The following RAD51AP1 variants were observed in gnomAD, a reference collection of about 807,000 sequenced individuals.
RAD51AP1 encodes the protein RAD51-associated protein 1.
A neutral mutation model predicts 34.3 loss-of-function variants in RAD51AP1; 14 were observed. That is an observed-to-expected ratio of 0.41 (90% CI 0.27 to 0.64). The LOEUF (loss-of-function observed/expected upper bound fraction) is 0.64. RAD51AP1 is among the 30% of genes least tolerant of loss of function. The pLI, the probability that RAD51AP1 is intolerant of heterozygous loss-of-function variation, is 0.33. For synonymous variants in RAD51AP1, 114 were observed against 129.8 expected (o/e 0.88, Z 0.83); for missense variants, 348 against 386.9 (o/e 0.90, Z 0.84).
At chr12:4,552,938 C>T in intron 6 of RAD51AP1, 45 bp from the exon 7 acceptor site, 1 of 1,483,986 alleles carries the variant, frequency 6.7e-7, no homozygotes, top group Non-Finnish European at 9.0e-7. Context: ...CAACAGAATC[C>T]TCACTTTTTA....
intron 4 of RAD51AP1, among the ~76,000 whole-genome samples, chr12:4,547,183 T>G (rs1004075059): frequency 6.6e-5 from 10 of 152,216 alleles, no homozygotes; most frequent in Admixed American, 6.5e-4. Context: ...TCCTCCTGCC[T>G]CAGCCTCCTG....
intron 7 of RAD51AP1, among the ~76,000 whole-genome samples, chr12:4,553,821 G>T (rs1177631053): frequency 1.3e-5 from 2 of 151,882 alleles, no homozygotes; most frequent in Middle Eastern, 3.2e-3. Flanking sequence ...AACTGAGTTT[G>T]TTTTATTTCT....
chr12:4,548,676 C>T lies in RAD51AP1; in HGVS notation c.407-11C>T. On this transcript the variant is annotated splice_polypyrimidine_tract_variant and intron_variant, in intron 5 of 8. Coordinates refer to ENST00000352618, the MANE Select transcript of RAD51AP1 (RefSeq NM_006479.5). ...GAAAGTTTTCCATTGATTTTTATGC[C>T]TCTCCTGAAGATTTGGATAAGATTA... The T allele has an allele frequency of 1.9e-6, 3 of 1,604,488 alleles. No individual in the cohort carries two copies. The South Asian group carries it at 3.3e-5, about 18-fold the overall frequency.
intron 8 of RAD51AP1, among the ~76,000 whole-genome samples, chr12:4,557,061 T>C (rs146311340): frequency 6.6e-6 from 1 of 152,346 alleles, no homozygotes; most frequent in East Asian, 1.9e-4. Context: ...TTGACATTAC[T>C]AAAACCCTAA....
chr12:4,543,080 A>T (rs983103090), intron 2 of RAD51AP1, among the ~76,000 whole-genome samples: 1 of 151,552 alleles, frequency 6.6e-6, no homozygotes, highest in African/African-American at 2.4e-5. Flanking sequence ...CTTTTTTTTG[A>T]GACGGAGTCT....
Position 4,553,119 on chromosome 12 carries a change from G to T in RAD51AP1, c.693G>T (p.Lys231Asn). The change falls in exon 7 of 9, where the codon AAG (lysine) becomes AAT (asparagine). Residue 231 changes from lysine (K) to asparagine (N), a missense_variant. Physicochemically the swap from Lys to Asn is moderately conservative, Grantham distance 94. Coordinates refer to ENST00000352618, the MANE Select transcript of RAD51AP1 (RefSeq NM_006479.5). ...KVKSPVEKKE[K>N]KSKSKCNALV... Reference sequence around the variant, plus strand: ...AATCCCCAGTAGAAAAGAAAGAGAAGAAATCTAAATCCAAATGTAATGCTT... The same window carrying T: ...AATCCCCAGTAGAAAAGAAAGAGAATAAATCTAAATCCAAATGTAATGCTT... The T allele has an allele frequency of 6.3e-7, 1 of 1,586,540 alleles. No homozygotes were observed. Among genetic ancestry groups the T allele is most frequent in the South Asian group, 1.2e-5 (1 of 86,608 alleles).
At chr12:4,555,891 A>AT (rs1944578591) in intron 7 of RAD51AP1, among the ~76,000 whole-genome samples, 2 of 152,194 alleles carry the variant, frequency 1.3e-5, no homozygotes, top group African/African-American at 4.8e-5. Context: ...AAGTCTAGTG[A>AT]CTAAACCTTA....
Position 4,559,091 on chromosome 12 carries a change from A to T in RAD51AP1, c.*98A>T. 1 of 1,433,434 alleles carries T rather than the reference A, an allele frequency of 7.0e-7. No homozygotes were observed. The highest frequency in any genetic ancestry group is 1.9e-5 in the Admixed American group (1 of 52,014). The allele number at this position is 1,433,434 out of a possible 1,614,324, so 88.8% of individuals were successfully genotyped here. A position where few individuals can be genotyped will look rare whatever the true frequency, so the allele number is the denominator to read the frequency against. On this transcript the variant is annotated 3_prime_UTR_variant, in exon 9 of 9. Transcript: ENST00000352618. ...ATATTTGAGGCAGGTATTGTAATAT[A>T]AAGGAATCCATTACCATGTCCTATA...
At chr12:4,539,328 G>A (rs1054687124) in intron 1 of RAD51AP1, among the ~76,000 whole-genome samples, 2 of 152,194 alleles carry the variant, frequency 1.3e-5, no homozygotes, top group African/African-American at 4.8e-5. Context: ...TCTACGTATA[G>A]AGGGTAAGTT....
chr12:4,539,016 C>T (rs1354896822), intron 1 of RAD51AP1, 60 bp downstream of exon 1: 16 of 1,577,850 alleles, frequency 1.0e-5, no homozygotes, highest in Non-Finnish European at 8.7e-7. Context: ...AGACATGAGA[C>T]TAAGGGGAAA....
chr12:4,558,973 C>G lies in RAD51AP1; in HGVS notation c.988C>G (p.Pro330Ala). 6.2e-7 allele frequency: 1 copy of G among 1,614,096 alleles called. No individual in the cohort carries two copies. Among genetic ancestry groups the G allele is most frequent in the Non-Finnish European group, 8.5e-7 (1 of 1,179,974 alleles). Residue 330 changes from proline (P) to alanine (A), a missense_variant, in exon 9 of 9, where the codon CCA becomes GCA. Pro to Ala is a conservative substitution (Grantham distance 27). Transcript: ENST00000352618. ...SRLARVKPLHPNATST is the reference protein window; with the variant it reads ...SRLARVKPLHANATST ...ATTAGCACGAGTTAAACCTTTGCAT[C>G]CAAATGCCACTAGCACCTGAGTGTG...
At chr12:4,548,932 T>TG in intron 6 of RAD51AP1, 96 bp downstream of exon 6, 1 of 1,370,002 alleles carries the variant, frequency 7.3e-7, no homozygotes, top group South Asian at 1.4e-5. Flanking sequence ...GTTAAACCTT[T>TG]GGGGTGTGCA....
intron 6 of RAD51AP1, among the ~76,000 whole-genome samples, chr12:4,550,904 T>C (rs1760045562): frequency 6.6e-6 from 1 of 152,184 alleles, no homozygotes; most frequent in South Asian, 2.1e-4. Context: ...CCTACCAAAG[T>C]GTTGGGATTA....
At chr12:4,554,315 T>C (rs772884945) in intron 7 of RAD51AP1, among the ~76,000 whole-genome samples, 5 of 152,208 alleles carry the variant, frequency 3.3e-5, no homozygotes, top group Non-Finnish European at 7.3e-5. Flanking sequence ...CACGTTTACT[T>C]ATAAGGACCC....
At chr12:4,553,591 C>T (rs1476379783) in intron 7 of RAD51AP1, among the ~76,000 whole-genome samples, 1 of 150,338 alleles carries the variant, frequency 6.7e-6, no homozygotes, top group Non-Finnish European at 1.5e-5. Flanking sequence ...TGCTTTTGTG[C>T]TTTACTTAGT....
intron 6 of RAD51AP1, among the ~76,000 whole-genome samples, chr12:4,549,481 A>T (rs1944530898): frequency 6.6e-6 from 1 of 152,200 alleles, no homozygotes; most frequent in South Asian, 2.1e-4. Flanking sequence ...GCTCATCGTC[A>T]CTTATTCGAC....
In RAD51AP1 at chr12:4,559,212, C is replaced by G; in HGVS notation, c.*219C>G. ...ATAAGAATTATCTTCTCATACCTTT[C>G]CTTGTGAAGAGCGTATTCTGTTTTT... On this transcript the variant is annotated 3_prime_UTR_variant, in exon 9 of 9. Transcript: ENST00000352618. 1 of 472,200 alleles carries G rather than the reference C, an allele frequency of 2.1e-6. No homozygotes were observed. The highest frequency in any genetic ancestry group is 5.6e-4 in the Middle Eastern group (1 of 1,770). The allele number at this position is 472,200 out of a possible 1,614,324, so 29.3% of individuals were successfully genotyped here.
intron 7 of RAD51AP1, 103 bp downstream of exon 7, chr12:4,553,250 C>G (rs1944559464): frequency 9.8e-7 from 1 of 1,019,452 alleles, no homozygotes; most frequent in Non-Finnish European, 1.4e-6. Flanking sequence ...ATTTTCCTAA[C>G]GTCCATTTCT....
intron 6 of RAD51AP1, among the ~76,000 whole-genome samples, chr12:4,551,801 GATTTT>G (rs1265798802): frequency 1.3e-5 from 2 of 152,128 alleles, no homozygotes; most frequent in African/African-American, 2.4e-5. Flanking sequence ...GTGATGCCTT[GATTTT>G]ATTTTAATAT....
Sources: gnomAD v4.1 joint callset for allele counts (sites outside exome capture counted in the v4.1 genomes callset) on GRCh38, gnomAD v4.1.1 for gene constraint, MANE v1.5 for transcripts, NCBI Gene and HGNC (gene_info 2026-07-23, HGNC 2026-07-21) for gene names.